Variants in NRG1 observed in about 807,000 individuals in gnomAD.
NRG1 encodes pro-neuregulin-1, membrane-bound isoform.
In NRG1, 18 loss-of-function variants were observed where a neutral mutation model predicts 63.8. The observed-to-expected ratio is 0.28, with a 90% CI of 0.19 to 0.42. The LOEUF (loss-of-function observed/expected upper bound fraction) is 0.42, where lower values mean the gene tolerates loss of function less well. Ranked by LOEUF, NRG1 falls within the 10% of genes least tolerant of loss-of-function variation. The pLI is 1.00. For synonymous variants in NRG1, 302 were observed against 301.3 expected, an observed-to-expected ratio of 1.00 and a Z score of -0.02; for missense variants, 762 against 814.7, an observed-to-expected ratio of 0.94 and a Z score of 0.79.
intron 5 of NRG1, among the ~76,000 whole-genome samples, chr8:32,640,223 CTTTT>C (rs1162851477): frequency 6.7e-6 from 1 of 148,676 alleles, no homozygotes; most frequent in East Asian, 1.9e-4. Context: ...GATAATGTTT[CTTTT>C]GTTTTTTCTT....
At chr8:32,368,959 A>C (rs1808444522) in intron 1 of NRG1, among the ~76,000 whole-genome samples, 1 of 152,236 alleles carries the variant, frequency 6.6e-6, no homozygotes, top group African/African-American at 2.4e-5. Flanking sequence ...TGTAACATGC[A>C]TGTACACCTA....
intron 1 of NRG1, among the ~76,000 whole-genome samples, chr8:32,529,878 G>A (rs932756532): frequency 6.6e-6 from 1 of 152,128 alleles, no homozygotes; most frequent in African/African-American, 2.4e-5. Flanking sequence ...ATAAGTAGAA[G>A]GAGTGCACTT....
At chr8:31,850,445 T>A (rs1034345185) in intron 1 of NRG1, among the ~76,000 whole-genome samples, 3 of 152,116 alleles carry the variant, frequency 2.0e-5, no homozygotes, top group African/African-American at 7.2e-5. Flanking sequence ...GACCTGAGGG[T>A]CCATGGCAAC....
At chr8:32,098,966 T>A (rs1471401576) in intron 1 of NRG1, among the ~76,000 whole-genome samples, 1 of 152,178 alleles carries the variant, frequency 6.6e-6, no homozygotes, top group Non-Finnish European at 1.5e-5. Context: ...AAATATACAA[T>A]TGTTGTCACT....
At chr8:31,848,823 C>T (rs934177233) in intron 1 of NRG1, among the ~76,000 whole-genome samples, 25 of 152,262 alleles carry the variant, frequency 1.6e-4, no homozygotes, top group African/African-American at 5.1e-4. Flanking sequence ...TCAGGGCTCC[C>T]ACTGATTCTA....
At chr8:31,873,959 T>A (rs34825962) in intron 1 of NRG1, among the ~76,000 whole-genome samples, 105 of 152,090 alleles carry the variant, frequency 6.9e-4, no homozygotes, top group African/African-American at 2.4e-3. Context: ...TTTTGCTTGT[T>A]CCTGTGCTCC....
intron 5 of NRG1, among the ~76,000 whole-genome samples, chr8:32,686,658 C>G (rs1332615921): frequency 6.6e-6 from 1 of 152,206 alleles, no homozygotes; most frequent in Non-Finnish European, 1.5e-5. Flanking sequence ...GGATAGCTCC[C>G]TTTTAAATCC....
intron 5 of NRG1, among the ~76,000 whole-genome samples, chr8:32,716,167 C>G (rs1216835504): frequency 1.3e-5 from 2 of 152,184 alleles, no homozygotes; most frequent in African/African-American, 4.8e-5. Context: ...ACATGCCTCA[C>G]TAGGTGTTGG....
chr8:32,515,163 T>C (rs1465175832), intron 1 of NRG1, among the ~76,000 whole-genome samples: 1 of 152,132 alleles, frequency 6.6e-6, no homozygotes, highest in African/African-American at 2.4e-5. Flanking sequence ...TGTTGAATAG[T>C]AGTTTTAAGT....
chr8:32,262,879 T>G (rs1432585604), intron 1 of NRG1, among the ~76,000 whole-genome samples: 4 of 152,218 alleles, frequency 2.6e-5, no homozygotes, highest in African/African-American at 9.6e-5. Flanking sequence ...TGACAAATCA[T>G]GAGAGTTTGC....
rs1338790424 is a variant in NRG1 at position 32,317,486 on chromosome 8, A to G, written c.38-278342A>G. 5.9e-5 allele frequency among the ~76,000 whole-genome samples: 9 copies of G among 152,334 alleles called. No homozygotes were observed. The East Asian group carries it at 1.7e-3, about 29-fold the overall frequency. The stretch of plus-strand genomic sequence containing the variant: ...GCTATGCAGAAGTTTTCTGTTAAAG[A>G]TATCAGAGGCTTTGCACCCTGAGAG... On this transcript the variant is annotated intron_variant, in intron 1 of 10. Coordinates refer to the NRG1 transcript ENST00000519301.
At chr8:31,867,656 A>T (rs933763947) in intron 1 of NRG1, among the ~76,000 whole-genome samples, 1 of 152,162 alleles carries the variant, frequency 6.6e-6, no homozygotes, top group Non-Finnish European at 1.5e-5. Context: ...ATCACCAAAT[A>T]TTAGCTGTTC....
At chr8:31,936,022 G>C (rs903676606) in intron 1 of NRG1, among the ~76,000 whole-genome samples, 4 of 152,160 alleles carry the variant, frequency 2.6e-5, no homozygotes, top group Non-Finnish European at 1.5e-5. Flanking sequence ...AAATGGTGAA[G>C]AGGAGGAAAG....
At chr8:32,040,150 G>C (rs998781134) in intron 1 of NRG1, among the ~76,000 whole-genome samples, 1 of 152,112 alleles carries the variant, frequency 6.6e-6, no homozygotes, top group African/African-American at 2.4e-5. Flanking sequence ...TGGGAAGAAA[G>C]CAACTTTAAA....
intron 1 of NRG1, among the ~76,000 whole-genome samples, chr8:31,898,700 T>G (rs1001921661): frequency 6.6e-6 from 1 of 152,100 alleles, no homozygotes. Flanking sequence ...CAAAAATCTG[T>G]CTCAAAAATA....
chr8:32,445,356 C>T (rs1392071081), intron 1 of NRG1, among the ~76,000 whole-genome samples: 1 of 152,096 alleles, frequency 6.6e-6, no homozygotes, highest in African/African-American at 2.4e-5. Flanking sequence ...GGATGCAGAA[C>T]CCATGGATAT....
chr8:32,095,635 A>G (rs1334218670), intron 1 of NRG1, among the ~76,000 whole-genome samples: 1 of 152,198 alleles, frequency 6.6e-6, no homozygotes, highest in Non-Finnish European at 1.5e-5. Flanking sequence ...TCTATGCCTT[A>G]TGACTGTCCT....
chr8:31,864,386 C>T (rs1034307822), intron 1 of NRG1, among the ~76,000 whole-genome samples: 1 of 152,164 alleles, frequency 6.6e-6, no homozygotes, highest in Non-Finnish European at 1.5e-5. Context: ...GGGACTATGG[C>T]AGCCAACTGA....
intron 1 of NRG1, among the ~76,000 whole-genome samples, chr8:32,320,444 T>C (rs569758749): frequency 6.6e-6 from 1 of 152,256 alleles, no homozygotes; most frequent in African/African-American, 2.4e-5. Flanking sequence ...TGGCTCGTGG[T>C]TCTACAAGTT....
Sources: gnomAD v4.1 joint callset for allele counts (sites outside exome capture counted in the v4.1 genomes callset) on GRCh38, gnomAD v4.1.1 for gene constraint, MANE v1.5 for transcripts, NCBI Gene and HGNC (gene_info 2026-07-23, HGNC 2026-07-21) for gene names.